Variants in PNMA6E observed in about 807,000 individuals in gnomAD.
The protein encoded by PNMA6E is paraneoplastic antigen Ma6E.
For missense variants in PNMA6E, 78 were observed against 50.8 expected, an observed-to-expected ratio of 1.53 and a Z score of -1.63; for synonymous variants, 43 against 17.1, an observed-to-expected ratio of 2.52 and a Z score of -3.74.
rs2088815597 is a variant in PNMA6E at position 153,397,341 on chromosome X, C to G, written c.1509G>C (p.Gln503His). 3.4e-6 allele frequency: 1 copy of G among 297,161 alleles called. No homozygotes were observed. Among genetic ancestry groups the G allele is most frequent in the Non-Finnish European group, 5.9e-6 (1 of 170,192 alleles). The allele number at this position is 297,161 out of a possible 1,213,427, so 24.5% of individuals were successfully genotyped here. A position where few individuals can be genotyped will look rare whatever the true frequency, so the allele number is the denominator to read the frequency against. Residue 503 changes from glutamine (Q) to histidine (H), a missense_variant, in exon 2 of 2, where the codon CAG becomes CAC. Transcript: ENST00000445091. ...AWAAFPARSQQGVAWAAAPVE... is the reference protein window; with the variant it reads ...AWAAFPARSQHGVAWAAAPVE... ...CTGGGGCCGCTGCCCAGGCCACACC[C>G]TGCTGGCTCCTCGCTGGGAAGGCTG... is the stretch of plus-strand genomic sequence containing the variant.
At chrX:153,410,135 G>A in the PNMA6E span, among the ~76,000 whole-genome samples, 8 of 111,061 alleles carry the variant, frequency 7.2e-5, no homozygotes, top group African/African-American at 2.3e-4. Flanking sequence ...GCTTCTGGGG[G>A]CCCTGGGCAC....
At position 153,397,614 on chromosome X, in the gene PNMA6E, C is replaced by T. The variant is rs2088818024; in HGVS notation, c.1236G>A (p.Leu412=). ...CCTCCTGGGGCCCCTGCGTGCAGGT[C>T]AGGAACTTCAGCCTCGAAGTCATTC... The part of the protein sequence containing the change: ...DTRMTSRLKF[L]TCTQGPQEGL... Residue 412 remains leucine (L), a synonymous_variant, in exon 2 of 2, where the codon CTG becomes CTA. Coordinates refer to ENST00000445091, the MANE Select transcript of PNMA6E (RefSeq NM_001367770.1). The T allele has an allele frequency of 3.3e-6, 1 of 298,549 alleles. No individual in the cohort carries two copies. The highest frequency in any genetic ancestry group is 5.8e-6 in the Non-Finnish European group (1 of 171,071). 24.6% of individuals were successfully genotyped at this position (298,549 alleles called of 1,213,427 possible).
rs1367647867 is a variant in PNMA6E, at chrX:153,396,606, G to T, written c.*300C>A. 1.8e-5 allele frequency: 3 copies of T among 162,861 alleles called. No homozygotes were observed. The highest frequency in any genetic ancestry group is 3.5e-5 in the Non-Finnish European group (3 of 86,428). 13.4% of individuals were successfully genotyped at this position (162,861 alleles called of 1,213,427 possible). The stretch of plus-strand genomic sequence containing the variant: ...GACATCTTCAGGTGCCCCCACCCAG[G>T]CCACAGCTGCCCACTCAGGGCTCCC... On this transcript the variant is annotated 3_prime_UTR_variant, in exon 2 of 2. Transcript: ENST00000445091.
At chrX:153,400,097 C>G (rs139526788) in intron 1 of PNMA6E, among the ~76,000 whole-genome samples, 2,492 of 112,539 alleles carry the variant, frequency 0.022, 19 homozygotes, top group South Asian at 0.066. Flanking sequence ...TTAAATGGCT[C>G]GACATATGGT....
chrX:153,413,594 C>G, the PNMA6E span, among the ~76,000 whole-genome samples: 2 of 109,927 alleles, frequency 1.8e-5, no homozygotes, highest in Non-Finnish European at 3.8e-5. Context: ...GATGCTGTGC[C>G]TCGGGGAAGC....
intron 1 of PNMA6E, among the ~76,000 whole-genome samples, chrX:153,400,288 C>T (rs1384932329): frequency 1.8e-5 from 2 of 112,515 alleles, no homozygotes; most frequent in Non-Finnish European, 3.8e-5. Flanking sequence ...CGCCGACAGC[C>T]TCCAGGGGGC....
the PNMA6E span, among the ~76,000 whole-genome samples, chrX:153,409,104 C>T: frequency 8.8e-6 from 1 of 113,002 alleles, no homozygotes; most frequent in African/African-American, 3.2e-5. Flanking sequence ...GGCAGCACCA[C>T]AGCTGTGGGA....
intron 1 of PNMA6E, among the ~76,000 whole-genome samples, chrX:153,400,977 C>T (rs1043033991): frequency 9.0e-6 from 1 of 110,931 alleles, no homozygotes; most frequent in Non-Finnish European, 1.9e-5. Flanking sequence ...CTCTGGCCAC[C>T]CCGCACTGAG....
In PNMA6E at chrX:153,395,905, C is replaced by T. The variant is rs932794941; in HGVS notation, c.*1001G>A. On this transcript the variant is annotated 3_prime_UTR_variant, in exon 2 of 2. Transcript: ENST00000445091. ...AGTGTCCACTGGCTTCAGGGAGCCCCCTCCTGAGCCCATCCCTATGGCCTT... is the reference window on the plus strand; with the variant it reads ...AGTGTCCACTGGCTTCAGGGAGCCCTCTCCTGAGCCCATCCCTATGGCCTT... 8.9e-6 allele frequency: 1 copy of T among 111,746 alleles called. No homozygotes were observed. Among genetic ancestry groups the T allele is most frequent in the African/African-American group, 3.3e-5 (1 of 30,628 alleles). 9.2% of individuals were successfully genotyped at this position (111,746 alleles called of 1,213,427 possible).
In PNMA6E at chrX:153,398,987, G is replaced by A. The variant is rs781892941; in HGVS notation, c.-71-67C>T. The A allele has an allele frequency of 3.1e-4, 91 of 293,188 alleles. No homozygotes were observed. The South Asian group carries it at 0.012, about 40-fold the overall frequency. 24.2% of individuals were successfully genotyped at this position (293,188 alleles called of 1,213,427 possible). A position where few individuals can be genotyped will look rare whatever the true frequency, so the allele number is the denominator to read the frequency against. ...ACTCCCACCACTCATCTGCCCCTAC[G>A]TGTGTGGGGGTGAGGGGGCAGGGCT... On this transcript the variant is annotated intron_variant, in intron 1 of 1. Coordinates refer to ENST00000445091, the MANE Select transcript of PNMA6E (RefSeq NM_001367770.1).
chrX:153,413,716 G>A, the PNMA6E span, among the ~76,000 whole-genome samples: 1 of 112,045 alleles, frequency 8.9e-6, no homozygotes, highest in Non-Finnish European at 1.9e-5. Context: ...AGTTCCGCCA[G>A]GTGCCTTCCA....
At chrX:153,411,249 G>C in the PNMA6E span, among the ~76,000 whole-genome samples, 1 of 112,639 alleles carries the variant, frequency 8.9e-6, no homozygotes, top group Non-Finnish European at 1.9e-5. Context: ...TGCCAACGCG[G>C]GTCCCTCCCG....
At chrX:153,406,952 G>T in the PNMA6E span, among the ~76,000 whole-genome samples, 1 of 112,351 alleles carries the variant, frequency 8.9e-6, no homozygotes, top group Non-Finnish European at 1.9e-5. Flanking sequence ...GGTGGGCAAG[G>T]GATGTATCCC....
chrX:153,408,366 G>A, the PNMA6E span, among the ~76,000 whole-genome samples: 2 of 112,552 alleles, frequency 1.8e-5, no homozygotes, highest in Admixed American at 9.3e-5. Context: ...CCTGGGCATT[G>A]CTCCCTCCTG....
At chrX:153,402,981 C>T (rs2088861237), upstream of PNMA6E, among the ~76,000 whole-genome samples, 1 of 112,695 alleles carries the variant, frequency 8.9e-6, no homozygotes, top group African/African-American at 3.2e-5. Context: ...TCTTTGTTTT[C>T]GGTACTTTGA....
At position 153,401,285 on chromosome X, in the gene PNMA6E, T is replaced by A. The variant is rs905603452; in HGVS notation, c.-113A>T. On this transcript the variant is annotated 5_prime_UTR_variant, in exon 1 of 2. Coordinates refer to ENST00000445091, the MANE Select transcript of PNMA6E (RefSeq NM_001367770.1). ...CAATTCCGGGTCTCTCAGTGGGAAG[T>A]CAGATATCTGGGTCTCTCCGAAGGG... The A allele has an allele frequency of 9.0e-6, 1 of 110,697 alleles. No individual in the cohort carries two copies. The highest frequency in any genetic ancestry group is 1.9e-5 in the Non-Finnish European group (1 of 52,852). The allele number at this position is 110,697 out of a possible 1,213,427, so 9.1% of individuals were successfully genotyped here.
chrX:153,404,906 G>A (rs781802615), upstream of PNMA6E, among the ~76,000 whole-genome samples: 31 of 112,256 alleles, frequency 2.8e-4, no homozygotes, highest in Admixed American at 3.8e-4. Flanking sequence ...TCTCTTCTTC[G>A]AGGTGTTAAC....
At chrX:153,409,882 T>C in the PNMA6E span, among the ~76,000 whole-genome samples, 10 of 112,078 alleles carry the variant, frequency 8.9e-5, no homozygotes, top group East Asian at 5.7e-4. Flanking sequence ...GTCGCCCCAG[T>C]CCCCACCAGG....
Position 153,396,166 on chromosome X carries a change from C to T in PNMA6E, c.*740G>A, listed in dbSNP as rs116649585. On this transcript the variant is annotated 3_prime_UTR_variant, in exon 2 of 2. Transcript: ENST00000445091. ...TCCTTCCCGCCATCTCCTGGGACTG[C>T]GCTGGGGGTCTCCGGGGAGAGGCTG... is the stretch of plus-strand genomic sequence containing the variant. The T allele has an allele frequency of 0.03, 3,685 of 122,643 alleles. 73 individuals are homozygous for T. Among genetic ancestry groups the T allele is most frequent in the Middle Eastern group, 0.055 (12 of 219 alleles). The allele number at this position is 122,643 out of a possible 1,213,427, so 10.1% of individuals were successfully genotyped here.
Sources: gnomAD v4.1 joint callset for allele counts (sites outside exome capture counted in the v4.1 genomes callset) on GRCh38, gnomAD v4.1.1 for gene constraint, MANE v1.5 for transcripts, NCBI Gene and HGNC (gene_info 2026-07-23, HGNC 2026-07-21) for gene names.